The following PCDHGA6 variants were observed in gnomAD, a reference collection of about 807,000 sequenced individuals.
The protein encoded by PCDHGA6 is protocadherin gamma subfamily A, 6, also known as protocadherin gamma-A6.
PCDHGA6 carries 41 observed loss-of-function variants against 60.6 expected under a neutral mutation model. That is an observed-to-expected ratio of 0.68 (90% CI 0.53 to 0.88). PCDHGA6 has a LOEUF of 0.88. Ranked by LOEUF, PCDHGA6 falls within the 40% of genes least tolerant of loss-of-function variation. The pLI is 0.00. For synonymous variants in PCDHGA6, 594 were observed against 524.4 expected (o/e 1.13, Z -1.81); for missense variants, 1,312 against 1,203.0 (o/e 1.09, Z -1.34).
At chr5:141,406,116 AG>A (rs982166274) in intron 1 of PCDHGA6, among the ~76,000 whole-genome samples, 4 of 147,788 alleles carry the variant, frequency 2.7e-5, no homozygotes, top group African/African-American at 1.0e-4. Context: ...TCTGTTGTCC[AG>A]GGTGGAATGC....
chr5:141,487,438 G>A lies in PCDHGA6; in HGVS notation c.2425-7369G>A, dbSNP rs2154580826. 6 of 1,614,174 alleles carry A rather than the reference G, an allele frequency of 3.7e-6. No individual in the cohort carries two copies. Among genetic ancestry groups the A allele is most frequent in the East Asian group, 2.2e-5 (1 of 44,866 alleles). On this transcript the variant is annotated intron_variant, in intron 1 of 3. Transcript: ENST00000517434. This position sits in a 1 kb window ranked among gnomAD's most constrained non-coding sequence, Gnocchi z 5.0. The stretch of plus-strand genomic sequence containing the variant: ...ATGGGATCCTCCGAATCCAGCTAGG[G>A]TCAGATGACCCTATCAAGTTTGTTG...
intron 1 of PCDHGA6, chr5:141,478,247 G>A (rs1377698933): frequency 1.2e-6 from 2 of 1,614,074 alleles, no homozygotes; most frequent in Admixed American, 3.3e-5. Context: ...CACAGTGTTC[G>A]GAGTAATCAT....
chr5:141,483,456 G>T (rs2099581503), intron 1 of PCDHGA6, among the ~76,000 whole-genome samples: 1 of 152,180 alleles, frequency 6.6e-6, no homozygotes, highest in Admixed American at 6.5e-5. Context: ...ATCAGGACTT[G>T]TTGATTGACA....
In PCDHGA6 at chr5:141,476,132, T is replaced by C. The variant is rs751708569; in HGVS notation, c.2425-18675T>C. 2 of 1,607,820 alleles carry C rather than the reference T, an allele frequency of 1.2e-6. No homozygotes were observed. The highest frequency in any genetic ancestry group is 1.1e-5 in the South Asian group (1 of 90,582). On this transcript the variant is annotated intron_variant, in intron 1 of 3. Coordinates refer to ENST00000517434, the MANE Select transcript of PCDHGA6 (RefSeq NM_018919.3). The surrounding 1 kb of genome is among the most constrained non-coding windows in gnomAD (Gnocchi z 7.6). ...TTTGAGTGAGATGGTCCCAGAGGCC[T>C]GGAGGAGCGGACTGGTAAGCACCGG...
intron 1 of PCDHGA6, chr5:141,492,027 A>T (rs1157170828): frequency 8.8e-6 from 5 of 565,466 alleles, no homozygotes; most frequent in African/African-American, 7.7e-5. Flanking sequence ...GGGTCCCGGG[A>T]GGAGGCAGTC....
At chr5:141,458,080 C>T (rs62379190) in intron 1 of PCDHGA6, among the ~76,000 whole-genome samples, 5,138 of 152,230 alleles carry the variant, frequency 0.034, 100 homozygotes, top group Middle Eastern at 0.088. Flanking sequence ...ACTATATTGC[C>T]GTAAGTTAAG....
chr5:141,407,497 G>GTTTTTTTTTTTTTTTTTTTTTTTTT (rs1554102286), intron 1 of PCDHGA6, among the ~76,000 whole-genome samples: 1 of 151,974 alleles, frequency 6.6e-6, no homozygotes, highest in African/African-American at 2.4e-5. Context: ...CTTTATTTCT[G>GTTTTTTTTTTTTTTTTTTTTTTTTT]TTTTTCTTAG....
At chr5:141,414,230 C>T in intron 1 of PCDHGA6, 5 of 1,613,308 alleles carry the variant, frequency 3.1e-6, no homozygotes, top group Non-Finnish European at 4.2e-6. Flanking sequence ...CCAGAGCTGA[C>T]CATCACGTCT....
At position 141,511,108 on chromosome 5, in the gene PCDHGA6, G is replaced by A; in HGVS notation, c.2734G>A (p.Asp912Asn). The A allele has an allele frequency of 6.2e-7, 1 of 1,614,244 alleles. No homozygotes were observed. The highest frequency in any genetic ancestry group is 2.2e-5 in the East Asian group (1 of 44,882). Residue 912 changes from aspartate (D) to asparagine (N), a missense_variant, in exon 4 of 4, where the codon GAT (aspartate) becomes AAT (asparagine). Physicochemically the swap from Asp to Asn is conservative, Grantham distance 23. Coordinates refer to ENST00000517434, the MANE Select transcript of PCDHGA6 (RefSeq NM_018919.3). ...ATLTNAAGKR[D>N]GKAPAGGNGN... Reference sequence around the variant, plus strand: ...ACTGACCAACGCAGCTGGCAAGCGGGATGGCAAGGCCCCAGCAGGTGGCAA... The same window carrying A: ...ACTGACCAACGCAGCTGGCAAGCGGAATGGCAAGGCCCCAGCAGGTGGCAA...
intron 1 of PCDHGA6, chr5:141,478,312 C>T (rs768312280): frequency 8.1e-6 from 13 of 1,614,002 alleles, no homozygotes; most frequent in East Asian, 2.2e-5. Flanking sequence ...CCCCGGTGAG[C>T]TCACTGTACC....
chr5:141,420,910 G>T, intron 1 of PCDHGA6: 1 of 311,900 alleles, frequency 3.2e-6, no homozygotes, highest in South Asian at 7.0e-5. Context: ...ACAAATACGT[G>T]TGATTCACAA....
At chr5:141,421,846 G>A (rs1187020807) in intron 1 of PCDHGA6, 2 of 1,613,642 alleles carry the variant, frequency 1.2e-6, no homozygotes, top group East Asian at 4.5e-5. Context: ...AGAGAAAGAG[G>A]CTGCTCACCT....
At position 141,491,587 on chromosome 5, in the gene PCDHGA6, G is replaced by A. The variant is rs1177701526; in HGVS notation, c.2425-3220G>A. 1.2e-6 allele frequency: 2 copies of A among 1,613,834 alleles called. No individual in the cohort carries two copies. Among genetic ancestry groups the A allele is most frequent in the African/African-American group, 2.7e-5 (2 of 74,926 alleles). On this transcript the variant is annotated intron_variant, in intron 1 of 3. Coordinates refer to ENST00000517434, the MANE Select transcript of PCDHGA6 (RefSeq NM_018919.3). The surrounding 1 kb of genome is among the most constrained non-coding windows in gnomAD (Gnocchi z 6.9). ...CAGGACGTGCTTTTCACCGGCCTCG[G>A]ACGGCAGTGACTTCACTTTTCTAAG...
At chr5:141,510,682 GA>G (rs1303501817) in intron 3 of PCDHGA6, among the ~76,000 whole-genome samples, 6 of 152,154 alleles carry the variant, frequency 3.9e-5, no homozygotes, top group Non-Finnish European at 8.8e-5. Flanking sequence ...GTGGCATAAG[GA>G]GGTTAGGTAG....
rs772317330 is a variant in PCDHGA6 at position 141,375,835 on chromosome 5, C to T, written c.1752C>T (p.Pro584=). Residue 584 remains proline, a synonymous_variant, in exon 1 of 4, where the codon CCC becomes CCT. Coordinates refer to ENST00000517434, the MANE Select transcript of PCDHGA6 (RefSeq NM_018919.3). ...AGCTGGCGCCCCGCTCCGCAGAGCC[C>T]GGCTACCTGGTGACCAAGGTGGTGG... is the stretch of plus-strand genomic sequence containing the variant. ...GVELAPRSAE[P]GYLVTKVVAV... is the part of the protein sequence containing the mutation. The T allele has an allele frequency of 2.5e-5, 40 of 1,613,984 alleles. No individual in the cohort carries two copies. Among genetic ancestry groups the T allele is most frequent in the Middle Eastern group, 1.6e-4 (1 of 6,068 alleles).
In PCDHGA6 at chr5:141,487,522, T is replaced by C. The variant is rs764726787; in HGVS notation, c.2425-7285T>C. 2 of 1,614,166 alleles carry C rather than the reference T, an allele frequency of 1.2e-6. No individual in the cohort carries two copies. The highest frequency in any genetic ancestry group is 1.7e-6 in the Non-Finnish European group (2 of 1,180,022). ...TGGCTTCTGCACCCACTCGGAGTGATAGCTTCATGATGGTGAAGTCACCCA... is the reference window on the plus strand; with the variant it reads ...TGGCTTCTGCACCCACTCGGAGTGACAGCTTCATGATGGTGAAGTCACCCA... On this transcript the variant is annotated intron_variant, in intron 1 of 3. Coordinates refer to ENST00000517434, the MANE Select transcript of PCDHGA6 (RefSeq NM_018919.3). This position sits in a 1 kb window ranked among gnomAD's most constrained non-coding sequence, Gnocchi z 5.0.
intron 1 of PCDHGA6, chr5:141,416,339 A>T (rs2096016775): frequency 6.6e-6 from 1 of 152,218 alleles, no homozygotes; most frequent in African/African-American, 2.4e-5. Context: ...TCATTGCTCA[A>T]TAGGGATCCT....
intron 1 of PCDHGA6, among the ~76,000 whole-genome samples, chr5:141,471,869 G>A (rs1234106506): frequency 6.6e-6 from 1 of 152,172 alleles, no homozygotes; most frequent in Non-Finnish European, 1.5e-5. Flanking sequence ...AACTGTGGTT[G>A]CCTGAGGCTG....
chr5:141,398,083 C>G, intron 1 of PCDHGA6: 1 of 1,599,552 alleles, frequency 6.3e-7, no homozygotes, highest in Non-Finnish European at 8.5e-7. Context: ...TTATTTGTAA[C>G]CTGGCGTCTC....
Sources: gnomAD v4.1 joint callset for allele counts (sites outside exome capture counted in the v4.1 genomes callset) on GRCh38, gnomAD v4.1.1 for gene constraint, Gnocchi (gnomAD v3.1) non-coding constraint, MANE v1.5 for transcripts, NCBI Gene and HGNC (gene_info 2026-07-23, HGNC 2026-07-21) for gene names.